DOCK3: variants seen among roughly 807,000 people sequenced by gnomAD.
DOCK3 encodes dedicator of cytokinesis protein 3.
A neutral mutation model predicts 265.6 loss-of-function variants in DOCK3; 60 were observed. The observed-to-expected ratio is 0.23, with a 90% confidence interval of 0.18 to 0.28. The LOEUF (loss-of-function observed/expected upper bound fraction) is 0.28. Ranked by LOEUF, DOCK3 falls within the 10% of genes least tolerant of loss-of-function variation. DOCK3 has a pLI of 1.00. For synonymous variants in DOCK3, 881 were observed against 938.0 expected, an observed-to-expected ratio of 0.94 and a Z score of 1.11; for missense variants, 1,981 against 2,594.3, an observed-to-expected ratio of 0.76 and a Z score of 5.14.
At chr3:50,986,535 A>G (rs1575685241) in intron 5 of DOCK3, among the ~76,000 whole-genome samples, 1 of 152,340 alleles carries the variant, frequency 6.6e-6, no homozygotes, top group African/African-American at 2.4e-5. Flanking sequence ...TTTTAGGCCC[A>G]TTCCCATCCT....
At chr3:50,701,720 C>T (rs902169782) in intron 1 of DOCK3, among the ~76,000 whole-genome samples, 2 of 152,108 alleles carry the variant, frequency 1.3e-5, no homozygotes, top group African/African-American at 4.8e-5. Context: ...CCTCCTTAAT[C>T]CATTTTGAGT....
chr3:50,895,852 T>C (rs1007023060), intron 4 of DOCK3, among the ~76,000 whole-genome samples: 2 of 152,120 alleles, frequency 1.3e-5, no homozygotes, highest in African/African-American at 4.8e-5. Context: ...AACTCATCCC[T>C]TTTTTATGGC....
At chr3:51,131,298 T>C (rs1013453293) in intron 9 of DOCK3, among the ~76,000 whole-genome samples, 4 of 152,164 alleles carry the variant, frequency 2.6e-5, no homozygotes, top group African/African-American at 9.7e-5. Flanking sequence ...TTGGGTCCCC[T>C]GGAATCCACA....
At position 51,374,064 on chromosome 3, in the gene DOCK3, G is replaced by C. The variant is rs945135185; in HGVS notation, c.5294-405G>C. On this transcript the variant is annotated intron_variant, in intron 49 of 52. Coordinates refer to ENST00000266037, the MANE Select transcript of DOCK3 (RefSeq NM_004947.5). This position sits in a 1 kb window ranked among gnomAD's most constrained non-coding sequence, Gnocchi z 4.8. ...TCTGAGTGTCTCTGTCTCTGTGTGAGTGTCTCCATTGCAAGCTGGCCTGTT... is the reference window on the plus strand; with the variant it reads ...TCTGAGTGTCTCTGTCTCTGTGTGACTGTCTCCATTGCAAGCTGGCCTGTT... Among the ~76,000 whole-genome samples the C allele has an allele frequency of 6.6e-6, 1 of 152,220 alleles. No homozygotes were observed. Among genetic ancestry groups the C allele is most frequent in the African/African-American group, 2.4e-5 (1 of 41,454 alleles).
intron 1 of DOCK3, among the ~76,000 whole-genome samples, chr3:50,700,559 C>G (rs2035972693): frequency 6.6e-6 from 1 of 152,144 alleles, no homozygotes; most frequent in South Asian, 2.1e-4. Context: ...TGACTTAGTT[C>G]ACTTCACATA....
chr3:51,190,459 T>C (rs879761336), intron 12 of DOCK3, among the ~76,000 whole-genome samples: 16 of 152,208 alleles, frequency 1.1e-4, no homozygotes, highest in Non-Finnish European at 1.9e-4. Context: ...ATGCCAGTTA[T>C]AGTAGTAATG....
chr3:50,895,568 A>T (rs1284450203), intron 4 of DOCK3, among the ~76,000 whole-genome samples: 1 of 152,058 alleles, frequency 6.6e-6, no homozygotes, highest in African/African-American at 2.4e-5. Flanking sequence ...CAGAATGTGC[A>T]GGTTTGCTAC....
intron 23 of DOCK3, among the ~76,000 whole-genome samples, chr3:51,262,158 G>A (rs574989493): frequency 2.9e-4 from 44 of 152,280 alleles, no homozygotes; most frequent in African/African-American, 3.8e-4. Flanking sequence ...CGCCTCATAC[G>A]GGAGAGCTCT....
intron 6 of DOCK3, among the ~76,000 whole-genome samples, chr3:51,070,815 C>A (rs1307599610): frequency 3.9e-5 from 6 of 152,126 alleles, no homozygotes; most frequent in Admixed American, 3.9e-4. Context: ...ACTACCTGAG[C>A]TCCACCTCCT....
intron 5 of DOCK3, among the ~76,000 whole-genome samples, chr3:50,974,421 C>G (rs1318400684): frequency 2.6e-5 from 4 of 152,110 alleles, no homozygotes; most frequent in South Asian, 2.1e-4. Flanking sequence ...GCTTGTTTTT[C>G]TCTGGTTTGT....
At chr3:50,838,291 A>G (rs1229153110) in intron 2 of DOCK3, among the ~76,000 whole-genome samples, 1 of 152,226 alleles carries the variant, frequency 6.6e-6, no homozygotes, top group Non-Finnish European at 1.5e-5. Flanking sequence ...GAATTCAGTT[A>G]TATTTTTCTG....
intron 39 of DOCK3, 53 bp from the exon 40 acceptor site, chr3:51,350,234 TC>T: frequency 1.3e-6 from 2 of 1,524,702 alleles, no homozygotes; most frequent in Non-Finnish European, 1.8e-6. Context: ...TGGGAGAACT[TC>T]CTTTGGATAC....
In DOCK3 at chr3:51,275,925, G is replaced by A. The variant is rs117581796; in HGVS notation, c.2676+719G>A. ...ATGTACTTTTGATAATAGAAGAAAG[G>A]CATATTACTTATAGAAAATTCAGAA... is the stretch of plus-strand genomic sequence containing the variant. On this transcript the variant is annotated intron_variant, in intron 25 of 52. Transcript: ENST00000266037. Among the ~76,000 whole-genome samples the A allele has an allele frequency of 4.6e-4, 70 of 152,162 alleles. 1 individual carries two copies. In the East Asian group the frequency reaches 0.012, roughly 26 times the overall value.
intron 12 of DOCK3, among the ~76,000 whole-genome samples, chr3:51,163,402 C>CAAAAAAAAAAA (rs756710608): frequency 7.8e-6 from 1 of 127,878 alleles, no homozygotes. Context: ...AAGAAAATAG[C>CAAAAAAAAAAA]AAAAAAAAAA....
intron 23 of DOCK3, among the ~76,000 whole-genome samples, chr3:51,270,564 C>T (rs1170959631): frequency 5.9e-5 from 9 of 152,224 alleles, no homozygotes; most frequent in Non-Finnish European, 1.3e-4. Flanking sequence ...CTCTTGCCAG[C>T]AAATGCTATA....
chr3:51,178,745 T>C (rs2087114397), intron 12 of DOCK3, among the ~76,000 whole-genome samples: 1 of 152,248 alleles, frequency 6.6e-6, no homozygotes, highest in South Asian at 2.1e-4. Flanking sequence ...CTCAAAGTTA[T>C]AGTCAACTTA....
At chr3:50,986,666 AT>A (rs992773169) in intron 5 of DOCK3, among the ~76,000 whole-genome samples, 1 of 152,180 alleles carries the variant, frequency 6.6e-6, no homozygotes, top group Non-Finnish European at 1.5e-5. Context: ...CGAATCTTTT[AT>A]TTCTGCCTCA....
intron 4 of DOCK3, among the ~76,000 whole-genome samples, chr3:50,920,671 C>G (rs920402549): frequency 1.3e-5 from 2 of 152,058 alleles, no homozygotes; most frequent in Non-Finnish European, 2.9e-5. Context: ...AACGGTCTGT[C>G]AATTTTGTTG....
At chr3:51,020,537 C>A (rs1329146900) in intron 5 of DOCK3, among the ~76,000 whole-genome samples, 1 of 151,828 alleles carries the variant, frequency 6.6e-6, no homozygotes, top group Non-Finnish European at 1.5e-5. Context: ...ATCACGAAAT[C>A]TTTGCCTTTT....
Sources: gnomAD v4.1 joint callset for allele counts (sites outside exome capture counted in the v4.1 genomes callset) on GRCh38, gnomAD v4.1.1 for gene constraint, Gnocchi (gnomAD v3.1) non-coding constraint, MANE v1.5 for transcripts, NCBI Gene and HGNC (gene_info 2026-07-23, HGNC 2026-07-21) for gene names.